The following MALRD1 variants were observed in gnomAD, a reference collection of about 807,000 sequenced individuals.
MALRD1 encodes MAM and LDL-receptor class A domain-containing protein 1.
In MALRD1, 247 loss-of-function variants were observed where a neutral mutation model predicts 242.1. The ratio of observed to expected loss-of-function variants is 1.02; its 90% CI spans 0.92 to 1.13. The LOEUF is 1.13. MALRD1 is among the 50% of genes most tolerant of loss of function. The pLI is 0.00. For synonymous variants in MALRD1, 995 were observed against 866.6 expected (o/e 1.15, Z -2.60); for missense variants, 2,989 against 2,533.1 (o/e 1.18, Z -3.86).
rs1838018266 is a variant in MALRD1, at chr10:19,595,191, T to C, written c.5681-3T>C. 1 of 1,545,068 alleles carries C rather than the reference T, an allele frequency of 6.5e-7. No homozygotes were observed. The highest frequency in any genetic ancestry group is 8.7e-7 in the Non-Finnish European group (1 of 1,143,032). Reference sequence around the variant, plus strand: ...AAATAACTTGACTTGCTCTCTTTTTTAGGTCCTGTCCCAGTGCAGCCATCA... The same window carrying C: ...AAATAACTTGACTTGCTCTCTTTTTCAGGTCCTGTCCCAGTGCAGCCATCA... On this transcript the variant is annotated splice_polypyrimidine_tract_variant and splice_region_variant and intron_variant, in intron 33 of 39. Transcript: ENST00000454679.
chr10:19,070,531 G>A (rs1371654319), intron 2 of MALRD1, among the ~76,000 whole-genome samples: 1 of 152,016 alleles, frequency 6.6e-6, no homozygotes, highest in Non-Finnish European at 1.5e-5. Flanking sequence ...ATTTTTAATA[G>A]GTTGTTTTAG....
chr10:19,546,294 A>G (rs766520657), intron 32 of MALRD1, among the ~76,000 whole-genome samples: 8 of 152,200 alleles, frequency 5.3e-5, no homozygotes, highest in African/African-American at 7.2e-5. Flanking sequence ...GATGTAAAGC[A>G]CTAGCTGTTT....
At chr10:19,159,384 G>A (rs926705086) in intron 12 of MALRD1, among the ~76,000 whole-genome samples, 1 of 151,272 alleles carries the variant, frequency 6.6e-6, no homozygotes, top group East Asian at 1.9e-4. Flanking sequence ...TTATCCTTCT[G>A]TATCTTCGTA....
At chr10:19,623,023 G>C (rs1224879116) in intron 36 of MALRD1, among the ~76,000 whole-genome samples, 4 of 151,978 alleles carry the variant, frequency 2.6e-5, no homozygotes, top group African/African-American at 9.7e-5. Flanking sequence ...ACTTAAATCA[G>C]AGTTCGAAGT....
rs887542986 is a variant in MALRD1 at position 19,133,469 on chromosome 10, C to T, written c.1111-387C>T. ...AACCTTTATATTGTTTGCCTGTAAA[C>T]GTTTTCTTTTCTAGTATCATGGCAG... On this transcript the variant is annotated intron_variant, in intron 8 of 39. Coordinates refer to ENST00000454679, the MANE Select transcript of MALRD1 (RefSeq NM_001142308.3). Among the ~76,000 whole-genome samples, 21 of 152,108 alleles carry T rather than the reference C, an allele frequency of 1.4e-4. 1 individual carries two copies. In the South Asian group the frequency reaches 1.7e-3, roughly 12 times the overall value.
intron 4 of MALRD1, among the ~76,000 whole-genome samples, chr10:19,095,443 G>T (rs1305971868): frequency 6.6e-6 from 1 of 152,168 alleles, no homozygotes; most frequent in Admixed American, 6.6e-5. Context: ...GTACTCTGTT[G>T]AAGTCAAATA....
At chr10:19,451,031 G>A (rs1835293356) in intron 29 of MALRD1, among the ~76,000 whole-genome samples, 2 of 152,268 alleles carry the variant, frequency 1.3e-5, no homozygotes, top group Middle Eastern at 3.4e-3. Context: ...AGAATAAACA[G>A]TCAGACCATA....
intron 35 of MALRD1, among the ~76,000 whole-genome samples, chr10:19,612,460 C>G (rs1286878886): frequency 6.6e-6 from 1 of 151,932 alleles, no homozygotes; most frequent in Non-Finnish European, 1.5e-5. Flanking sequence ...ATGCCAGACT[C>G]AAGGTATATT....
chr10:19,458,561 C>T (rs1432139515), intron 29 of MALRD1, among the ~76,000 whole-genome samples: 2 of 152,144 alleles, frequency 1.3e-5, no homozygotes, highest in South Asian at 2.1e-4. Flanking sequence ...AATGTATCAC[C>T]GCATGTGGTA....
intron 31 of MALRD1, among the ~76,000 whole-genome samples, chr10:19,518,890 A>G (rs566273639): frequency 2.0e-5 from 3 of 152,326 alleles, no homozygotes; most frequent in Non-Finnish European, 2.9e-5. Context: ...CCAGTGCAAC[A>G]CTAGTCATAA....
At chr10:19,144,654 CTT>C (rs1833668560) in intron 10 of MALRD1, among the ~76,000 whole-genome samples, 1 of 152,118 alleles carries the variant, frequency 6.6e-6, no homozygotes, top group African/African-American at 2.4e-5. Context: ...GTGATGGAGT[CTT>C]TTTAATTATG....
At chr10:19,270,368 ACAC>A (rs1201596980) in intron 19 of MALRD1, among the ~76,000 whole-genome samples, 12 of 149,898 alleles carry the variant, frequency 8.0e-5, no homozygotes, top group Non-Finnish European at 1.3e-4. Flanking sequence ...ACACACACAC[ACAC>A]ACACACCAGA....
intron 9 of MALRD1, among the ~76,000 whole-genome samples, chr10:19,134,301 T>G (rs1014147559): frequency 1.3e-5 from 2 of 152,224 alleles, no homozygotes; most frequent in African/African-American, 4.8e-5. Context: ...AGGCAAATGT[T>G]TTGAATGCAA....
At chr10:19,119,245 T>A (rs1836978361) in intron 5 of MALRD1, among the ~76,000 whole-genome samples, 1 of 152,086 alleles carries the variant, frequency 6.6e-6, no homozygotes, top group African/African-American at 2.4e-5. Flanking sequence ...AGAGAAAGTT[T>A]ATGTTGAGAA....
intron 29 of MALRD1, among the ~76,000 whole-genome samples, chr10:19,471,016 G>C (rs1206480707): frequency 6.6e-6 from 1 of 151,776 alleles, no homozygotes; most frequent in East Asian, 1.9e-4. Context: ...TTATTGCCAA[G>C]ATCAATGTCA....
At chr10:19,225,533 A>G (rs77908788) in intron 18 of MALRD1, among the ~76,000 whole-genome samples, 14,115 of 152,134 alleles carry the variant, frequency 0.093, 854 homozygotes, top group East Asian at 0.17. Flanking sequence ...TTCTGTCATT[A>G]CCAATATTGC....
chr10:19,480,807 C>G (rs956600475), intron 29 of MALRD1, among the ~76,000 whole-genome samples: 1 of 152,044 alleles, frequency 6.6e-6, no homozygotes, highest in Non-Finnish European at 1.5e-5. Context: ...CTTCTTCCTT[C>G]TTTCTAGGCC....
intron 29 of MALRD1, among the ~76,000 whole-genome samples, chr10:19,484,552 AAC>A (rs1170954220): frequency 6.6e-6 from 1 of 152,194 alleles, no homozygotes; most frequent in African/African-American, 2.4e-5. Flanking sequence ...ACAAAATAGC[AAC>A]AGTTTTTTAA....
At chr10:19,061,629 T>C (rs1012276041) in intron 1 of MALRD1, among the ~76,000 whole-genome samples, 1 of 152,044 alleles carries the variant, frequency 6.6e-6, no homozygotes, top group South Asian at 2.1e-4. Context: ...AGCCCAGAAA[T>C]AAACCTTCAA....
Sources: gnomAD v4.1 joint callset for allele counts (sites outside exome capture counted in the v4.1 genomes callset) on GRCh38, gnomAD v4.1.1 for gene constraint, MANE v1.5 for transcripts, NCBI Gene and HGNC (gene_info 2026-07-23, HGNC 2026-07-21) for gene names.